Variants in ADCY1 observed in about 807,000 individuals in gnomAD.
The protein encoded by ADCY1 is adenylate cyclase type 1.
A neutral mutation model predicts 105.4 loss-of-function variants in ADCY1; 28 were observed. The ratio of observed to expected loss-of-function variants is 0.27; its 90% CI spans 0.20 to 0.36. ADCY1 has a LOEUF of 0.36. Among genes scored for constraint, ADCY1 ranks in the 10% least tolerant of loss-of-function variants. The pLI is 1.00. For missense variants in ADCY1, 977 were observed against 1,434.2 expected, an observed-to-expected ratio of 0.68 and a Z score of 5.15; for synonymous variants, 655 against 623.8, an observed-to-expected ratio of 1.05 and a Z score of -0.75.
chr7:45,630,058 T>G (rs1301169666), intron 4 of ADCY1, among the ~76,000 whole-genome samples: 1 of 152,230 alleles, frequency 6.6e-6, no homozygotes, highest in Non-Finnish European at 1.5e-5. Context: ...TATTGGCCAC[T>G]CATTTATCTT....
chr7:45,622,027 C>T lies in ADCY1; in HGVS notation c.909-605C>T, dbSNP rs111614904. ...GTAGACACTGTGTCGTTTAGGGCTG[C>T]CCCCAGTGCTGTGATAAATAGACAC... On this transcript the variant is annotated intron_variant, in intron 3 of 19. Coordinates refer to ENST00000297323, the MANE Select transcript of ADCY1 (RefSeq NM_021116.4). Among the ~76,000 whole-genome samples the T allele has an allele frequency of 3.9e-5, 6 of 152,272 alleles. No homozygotes were observed. The East Asian group carries it at 5.8e-4, about 15-fold the overall frequency.
intron 3 of ADCY1, among the ~76,000 whole-genome samples, chr7:45,621,241 T>C (rs1370762570): frequency 2.6e-5 from 4 of 152,168 alleles, no homozygotes; most frequent in African/African-American, 4.8e-5. Flanking sequence ...AATTTATGTA[T>C]TTTTTGTAGA....
chr7:45,697,675 C>G (rs886654425), intron 14 of ADCY1, among the ~76,000 whole-genome samples: 2 of 152,238 alleles, frequency 1.3e-5, no homozygotes, highest in African/African-American at 2.4e-5. Flanking sequence ...CAGGCGTAAG[C>G]CACTGCGCCC....
chr7:45,596,184 C>A (rs1056237131), intron 2 of ADCY1, among the ~76,000 whole-genome samples: 3 of 152,264 alleles, frequency 2.0e-5, no homozygotes, highest in African/African-American at 7.2e-5. Context: ...GGTGAGGGAG[C>A]CTTACCATGT....
rs920423042 is a variant in ADCY1, at chr7:45,690,192, G to C, written c.2454+3519G>C. Among the ~76,000 whole-genome samples the C allele has an allele frequency of 2.6e-5, 4 of 152,308 alleles. No homozygotes were observed. The East Asian group carries it at 7.7e-4, about 29-fold the overall frequency. On this transcript the variant is annotated intron_variant, in intron 14 of 19. Coordinates refer to ENST00000297323, the MANE Select transcript of ADCY1 (RefSeq NM_021116.4). ...CTGGCCACTGTTGGCCATCAAGTGA[G>C]GGTGCAGTAGTGGAGGTAGAGTGGG...
At chr7:45,622,343 G>A (rs1469313916) in intron 3 of ADCY1, among the ~76,000 whole-genome samples, 3 of 152,050 alleles carry the variant, frequency 2.0e-5, no homozygotes, top group African/African-American at 7.2e-5. Flanking sequence ...GAGGGCAGAT[G>A]GGCTTTCCCT....
chr7:45,668,817 T>A (rs1434338049), intron 8 of ADCY1, among the ~76,000 whole-genome samples: 1 of 152,220 alleles, frequency 6.6e-6, no homozygotes, highest in Non-Finnish European at 1.5e-5. Context: ...AGCCTGTTAT[T>A]TGTCTATTCA....
chr7:45,650,403 G>A (rs1562706843), intron 5 of ADCY1, among the ~76,000 whole-genome samples: 1 of 152,130 alleles, frequency 6.6e-6, no homozygotes, highest in Non-Finnish European at 1.5e-5. Flanking sequence ...ATCTGGTTTT[G>A]TGTGATCTCC....
At chr7:45,673,758 A>G (rs1784404278) in intron 8 of ADCY1, among the ~76,000 whole-genome samples, 1 of 151,106 alleles carries the variant, frequency 6.6e-6, no homozygotes, top group East Asian at 1.9e-4. Context: ...TTTTCTTTTT[A>G]TTGAATTCTT....
At chr7:45,607,977 G>A (rs1793427515) in intron 2 of ADCY1, among the ~76,000 whole-genome samples, 1 of 152,226 alleles carries the variant, frequency 6.6e-6, no homozygotes, top group Non-Finnish European at 1.5e-5. Flanking sequence ...TTGCGGATTT[G>A]ATGGCAGTGC....
chr7:45,671,782 A>G (rs928557753), intron 8 of ADCY1, among the ~76,000 whole-genome samples: 6 of 151,778 alleles, frequency 4.0e-5, no homozygotes, highest in Non-Finnish European at 5.9e-5. Flanking sequence ...GGATTATTTG[A>G]TTTTTTTGTG....
chr7:45,646,009 G>C (rs1794654704), intron 4 of ADCY1, among the ~76,000 whole-genome samples: 1 of 151,940 alleles, frequency 6.6e-6, no homozygotes, highest in South Asian at 2.1e-4. Flanking sequence ...AGGTGGCAAG[G>C]GCTGGGTGGA....
chr7:45,691,196 A>G (rs1418608051), intron 14 of ADCY1, among the ~76,000 whole-genome samples: 1 of 152,192 alleles, frequency 6.6e-6, no homozygotes, highest in Non-Finnish European at 1.5e-5. Flanking sequence ...AGCAATGCCC[A>G]ATGAGCATAC....
At position 45,715,372 on chromosome 7, in the gene ADCY1, G is replaced by A. The variant is rs1365412410; in HGVS notation, c.*1377G>A. 1 of 152,342 alleles carries A rather than the reference G, an allele frequency of 6.6e-6. No individual in the cohort carries two copies. The highest frequency in any genetic ancestry group is 1.9e-4 in the East Asian group (1 of 5,188). 9.4% of individuals were successfully genotyped at this position (152,342 alleles called of 1,614,324 possible). The stretch of plus-strand genomic sequence containing the variant: ...GAGATGTGGTCAGAGAGGTTTCTGT[G>A]GACTGCAGATGAGGCCTGAGCCCTG... On this transcript the variant is annotated 3_prime_UTR_variant, in exon 20 of 20. Coordinates refer to ENST00000297323, the MANE Select transcript of ADCY1 (RefSeq NM_021116.4).
At chr7:45,616,252 T>G (rs527840036) in intron 3 of ADCY1, among the ~76,000 whole-genome samples, 3 of 152,178 alleles carry the variant, frequency 2.0e-5, no homozygotes, top group Admixed American at 1.3e-4. Context: ...ACCAAACATT[T>G]AAAGAATTAA....
In ADCY1 at chr7:45,575,650, C is replaced by T. The variant is rs184559465; in HGVS notation, c.639+468C>T. Among the ~76,000 whole-genome samples the T allele has an allele frequency of 2.6e-5, 4 of 152,386 alleles. No homozygotes were observed. In the East Asian group the frequency reaches 7.7e-4, roughly 29 times the overall value. ...AGCGCGTGCTGGGCTCGCCTCCCAA[C>T]CCTGCGGACCCGAGGGTGGTATATG... On this transcript the variant is annotated intron_variant, in intron 1 of 19. Transcript: ENST00000297323. This position sits in a 1 kb window ranked among gnomAD's most constrained non-coding sequence, Gnocchi z 4.7.
chr7:45,609,912 C>A (rs1793486380), intron 2 of ADCY1, among the ~76,000 whole-genome samples: 1 of 152,156 alleles, frequency 6.6e-6, no homozygotes, highest in Admixed American at 6.5e-5. Flanking sequence ...AGACAAAGAC[C>A]AAGAAAGAAT....
intron 4 of ADCY1, among the ~76,000 whole-genome samples, chr7:45,630,116 G>A (rs1794196745): frequency 6.6e-6 from 1 of 151,830 alleles, no homozygotes; most frequent in African/African-American, 2.4e-5. Flanking sequence ...TTTTTATTTG[G>A]GTTGACTTTT....
chr7:45,581,164 G>C (rs1364922911), intron 1 of ADCY1, among the ~76,000 whole-genome samples: 1 of 152,152 alleles, frequency 6.6e-6, no homozygotes, highest in Non-Finnish European at 1.5e-5. Flanking sequence ...AAAGGGAACA[G>C]TAGCTCCCTT....
Sources: gnomAD v4.1 joint callset for allele counts (sites outside exome capture counted in the v4.1 genomes callset) on GRCh38, gnomAD v4.1.1 for gene constraint, Gnocchi (gnomAD v3.1) non-coding constraint, MANE v1.5 for transcripts, NCBI Gene and HGNC (gene_info 2026-07-23, HGNC 2026-07-21) for gene names.